Variants in PRELID2 observed in about 807,000 individuals in gnomAD.
PRELID2 encodes PRELI domain-containing protein 2.
A neutral mutation model predicts 28.4 loss-of-function variants in PRELID2; 25 were observed. The ratio of observed to expected loss-of-function variants is 0.88; its 90% CI spans 0.64 to 1.23. The LOEUF (loss-of-function observed/expected upper bound fraction) is 1.23, where lower values mean the gene tolerates loss of function less well. Among genes scored for constraint, PRELID2 ranks in the 50% most tolerant of loss-of-function variants. The probability of loss-of-function intolerance (pLI) is 0.00; values close to 1 mark genes in which losing one functional copy is unlikely to be tolerated. For synonymous variants in PRELID2, 76 were observed against 71.6 expected, an observed-to-expected ratio of 1.06 and a Z score of -0.31; for missense variants, 201 against 214.4, an observed-to-expected ratio of 0.94 and a Z score of 0.39.
At chr5:145,597,273 T>C (rs574218219) in intron 1 of PRELID2, among the ~76,000 whole-genome samples, 19 of 152,300 alleles carry the variant, frequency 1.2e-4, no homozygotes, top group African/African-American at 4.1e-4. Flanking sequence ...AGTGCCCGAA[T>C]ATTTTATTTT....
intron 1 of PRELID2, among the ~76,000 whole-genome samples, chr5:145,519,164 G>T (rs1322193050): frequency 6.6e-6 from 1 of 152,142 alleles, no homozygotes; most frequent in African/African-American, 2.4e-5. Flanking sequence ...CTAGCACTAG[G>T]AGCCTGACTT....
At chr5:145,416,270 G>C in the PRELID2 span, among the ~76,000 whole-genome samples, 13 of 152,026 alleles carry the variant, frequency 8.6e-5, no homozygotes, top group South Asian at 1.2e-3. Flanking sequence ...ATTAATTCAA[G>C]ATGGATTAAA....
intron 1 of PRELID2, among the ~76,000 whole-genome samples, chr5:145,580,481 C>T (rs970239577): frequency 2.0e-5 from 3 of 152,016 alleles, no homozygotes; most frequent in Non-Finnish European, 4.4e-5. Context: ...GGCTCAGAGG[C>T]CTAAGCTAAG....
At chr5:145,297,495 A>T in the PRELID2 span, among the ~76,000 whole-genome samples, 2 of 152,004 alleles carry the variant, frequency 1.3e-5, no homozygotes, top group Non-Finnish European at 2.9e-5. Flanking sequence ...TCTATGACAA[A>T]CCCACAGCCA....
At chr5:145,412,034 G>A in the PRELID2 span, among the ~76,000 whole-genome samples, 2 of 152,262 alleles carry the variant, frequency 1.3e-5, no homozygotes, top group East Asian at 3.9e-4. Flanking sequence ...CCTGGGCCCA[G>A]GCCAGAAAAC....
the PRELID2 span, among the ~76,000 whole-genome samples, chr5:145,317,132 CAG>C: frequency 5.3e-4 from 80 of 152,274 alleles, 1 homozygote; most frequent in Middle Eastern, 3.4e-3. Flanking sequence ...GGTGTGGACT[CAG>C]AGCAATTTCT....
At chr5:145,343,209 G>T in the PRELID2 span, among the ~76,000 whole-genome samples, 1 of 151,924 alleles carries the variant, frequency 6.6e-6, no homozygotes, top group East Asian at 1.9e-4. Context: ...TCCAATGACT[G>T]CAGAGTATAT....
At chr5:145,786,950 T>A (rs1323779472) in intron 5 of PRELID2, among the ~76,000 whole-genome samples, 1 of 152,258 alleles carries the variant, frequency 6.6e-6, no homozygotes, top group Non-Finnish European at 1.5e-5. Context: ...ATGTTCAAAT[T>A]GTTTGACTTG....
At chr5:145,483,776 A>G (rs2126619667) in intron 1 of PRELID2, among the ~76,000 whole-genome samples, 1 of 152,340 alleles carries the variant, frequency 6.6e-6, no homozygotes, top group South Asian at 2.1e-4. Context: ...CTTACCTATC[A>G]CAATATGCTA....
chr5:145,662,805 G>A (rs1754519984), intron 1 of PRELID2, among the ~76,000 whole-genome samples: 1 of 151,990 alleles, frequency 6.6e-6, no homozygotes, highest in Non-Finnish European at 1.5e-5. Context: ...ACGAGATGCG[G>A]CCCCTCACCC....
rs569866995 is a variant in PRELID2, at chr5:145,679,326, A to C, written n.70+85605T>G. Among the ~76,000 whole-genome samples, 255 of 152,260 alleles carry C rather than the reference A, an allele frequency of 1.7e-3. 1 individual carries two copies. Among genetic ancestry groups the C allele is most frequent in the African/African-American group, 5.9e-3 (247 of 41,552 alleles). On this transcript the variant is annotated intron_variant and non_coding_transcript_variant, in intron 1 of 2. Transcript: ENST00000510259. ...AGGGTTGTCATGTAGGAATCTGGAA[A>C]CTTCTGCTTTAGTCTCTGAAACTCA...
At chr5:145,650,056 T>C (rs370904255) in intron 1 of PRELID2, among the ~76,000 whole-genome samples, 1 of 152,326 alleles carries the variant, frequency 6.6e-6, no homozygotes, top group East Asian at 1.9e-4. Context: ...ATTGATCCAA[T>C]CACACAGTGA....
chr5:145,634,824 G>A (rs552426562), intron 1 of PRELID2, among the ~76,000 whole-genome samples: 2 of 152,176 alleles, frequency 1.3e-5, no homozygotes, highest in Non-Finnish European at 1.5e-5. Flanking sequence ...AGGAATCAGC[G>A]AATGAAGTCA....
intron 1 of PRELID2, among the ~76,000 whole-genome samples, chr5:145,708,710 G>A (rs143603888): frequency 1.1e-4 from 16 of 152,284 alleles, no homozygotes; most frequent in Non-Finnish European, 2.4e-4. Context: ...ATGCTGTAGG[G>A]AGAGCTGAGC....
At chr5:145,830,283 C>CT (rs1306866872) in intron 1 of PRELID2, among the ~76,000 whole-genome samples, 2 of 152,178 alleles carry the variant, frequency 1.3e-5, no homozygotes, top group African/African-American at 2.4e-5. Context: ...GAAAGTCAAC[C>CT]TTCTGAAGGT....
intron 1 of PRELID2, among the ~76,000 whole-genome samples, chr5:145,639,388 G>T (rs180977316): frequency 2.6e-4 from 39 of 152,286 alleles, no homozygotes; most frequent in African/African-American, 7.5e-4. Context: ...GATCACAGAG[G>T]TCTAAGCATA....
At chr5:145,365,923 A>G in the PRELID2 span, among the ~76,000 whole-genome samples, 2 of 151,924 alleles carry the variant, frequency 1.3e-5, no homozygotes, top group Non-Finnish European at 2.9e-5. Context: ...GAAAGTGAGT[A>G]AGTGGTTCTC....
At chr5:145,333,819 CAAAAA>C in the PRELID2 span, among the ~76,000 whole-genome samples, 1 of 91,106 alleles carries the variant, frequency 1.1e-5, no homozygotes, top group African/African-American at 3.9e-5. Flanking sequence ...CTGGAGTATA[CAAAAA>C]AAAAAAAAAA....
the PRELID2 span, among the ~76,000 whole-genome samples, chr5:145,278,884 G>T: frequency 6.6e-6 from 1 of 152,112 alleles, no homozygotes; most frequent in Non-Finnish European, 1.5e-5. Context: ...ATCTTCTAGA[G>T]TTGAGGAAAT....
Sources: allele counts gnomAD v4.1 joint callset (sites outside exome capture counted in the v4.1 genomes callset), GRCh38; gene constraint gnomAD v4.1.1; transcripts MANE v1.5; gene names NCBI Gene and HGNC (gene_info 2026-07-23, HGNC 2026-07-21).